UBR3: variants seen among roughly 807,000 people sequenced by gnomAD.
UBR3 encodes the protein ubiquitin protein ligase E3 component n-recognin 3.
Under a neutral mutation model 243.2 loss-of-function variants are expected in UBR3, and 85 were observed. The ratio of observed to expected loss-of-function variants is 0.35; its 90% CI spans 0.29 to 0.42. The LOEUF is 0.42. Ranked by LOEUF, UBR3 falls within the 10% of genes least tolerant of loss-of-function variation. The probability of loss-of-function intolerance (pLI) is 1.00; values close to 1 mark genes in which losing one functional copy is unlikely to be tolerated. For synonymous variants in UBR3, 748 were observed against 799.8 expected, an observed-to-expected ratio of 0.94 and a Z score of 1.09; for missense variants, 1,686 against 2,300.8, an observed-to-expected ratio of 0.73 and a Z score of 5.47.
At chr2:169,971,957 A>G (rs1180649583) in intron 24 of UBR3, among the ~76,000 whole-genome samples, 2 of 152,204 alleles carry the variant, frequency 1.3e-5, no homozygotes, top group African/African-American at 4.8e-5. Context: ...AAACCCTTCA[A>G]AAAATTAATG....
intron 20 of UBR3, 75 bp from the exon 21 acceptor site, chr2:169,946,213 A>C (rs1462028194): frequency 2.0e-5 from 17 of 860,940 alleles, no homozygotes; most frequent in Non-Finnish European, 3.0e-5. Flanking sequence ...GAACAGTAAA[A>C]TATTTTTGGA....
At chr2:169,851,316 G>A (rs2082649182) in intron 1 of UBR3, among the ~76,000 whole-genome samples, 1 of 152,002 alleles carries the variant, frequency 6.6e-6, no homozygotes, top group Admixed American at 6.6e-5. Flanking sequence ...GTATACATGG[G>A]GTTTTACCAT....
chr2:169,898,280 C>G (rs141389281), intron 8 of UBR3, among the ~76,000 whole-genome samples: 16 of 152,290 alleles, frequency 1.1e-4, no homozygotes, highest in Admixed American at 8.5e-4. Context: ...TCTGTCTGTT[C>G]TCAGGTGTGA....
At chr2:169,942,423 T>A in intron 19 of UBR3, 70 bp from the exon 20 acceptor site, 4 of 1,434,964 alleles carry the variant, frequency 2.8e-6, no homozygotes, top group Non-Finnish European at 3.7e-6. Flanking sequence ...TTGGTGTCTA[T>A]AAATTACATT....
intron 31 of UBR3, among the ~76,000 whole-genome samples, chr2:170,036,361 G>A (rs963262582): frequency 7.9e-5 from 12 of 152,012 alleles, no homozygotes; most frequent in Admixed American, 7.9e-4. Flanking sequence ...TTTCTACAGA[G>A]GGGTGCATCA....
At chr2:170,003,655 C>G (rs570282056) in intron 27 of UBR3, among the ~76,000 whole-genome samples, 74 of 151,744 alleles carry the variant, frequency 4.9e-4, no homozygotes, top group Non-Finnish European at 9.0e-4. Flanking sequence ...TTTTTTTTCC[C>G]CTCCGAGATG....
chr2:169,857,069 T>G lies in UBR3; in HGVS notation c.546-15167T>G, dbSNP rs13017983. On this transcript the variant is annotated intron_variant, in intron 1 of 38. Transcript: ENST00000272793. ...TTCCAGCATAATTTTATTATGTTTT[T>G]TTTTTTTTTTTTTTTTTTTTTTGAG... is the stretch of plus-strand genomic sequence containing the variant. 0.012 allele frequency among the ~76,000 whole-genome samples: 228 copies of G among 18,278 alleles called. 4 individuals are homozygous for G. The Middle Eastern group carries it at 0.15, about 12-fold the overall frequency. 12.0% of individuals were successfully genotyped at this position (18,278 alleles called of 152,430 possible).
chr2:169,829,541 A>G (rs2081861009), intron 1 of UBR3, among the ~76,000 whole-genome samples: 1 of 150,130 alleles, frequency 6.7e-6, no homozygotes, highest in Non-Finnish European at 1.5e-5. Context: ...CTCCTGCCTC[A>G]GCCTCCCAAG....
chr2:170,017,844 T>C (rs919294755), intron 30 of UBR3, among the ~76,000 whole-genome samples: 13 of 152,208 alleles, frequency 8.5e-5, no homozygotes, highest in African/African-American at 3.1e-4. Context: ...TTTAATAATA[T>C]AATATCCTAC....
intron 18 of UBR3, among the ~76,000 whole-genome samples, chr2:169,931,350 TA>T (rs66951181): frequency 0.58 from 50,138 of 86,458 alleles, 13,077 homozygotes; most frequent in Middle Eastern, 0.68. Context: ...GAATCTGTCT[TA>T]AAAAAAAAAA....
At chr2:169,835,056 T>G (rs1444250145) in intron 1 of UBR3, among the ~76,000 whole-genome samples, 1 of 151,542 alleles carries the variant, frequency 6.6e-6, no homozygotes, top group African/African-American at 2.4e-5. Context: ...AGGTACAGAG[T>G]TTCAGTTTGG....
intron 10 of UBR3, among the ~76,000 whole-genome samples, chr2:169,906,875 A>G (rs1212847875): frequency 6.6e-6 from 1 of 152,166 alleles, no homozygotes; most frequent in Admixed American, 6.5e-5. Flanking sequence ...GAAATGGGAC[A>G]GTAAAGCCTG....
chr2:169,963,721 T>A (rs2087683529), intron 24 of UBR3, among the ~76,000 whole-genome samples: 1 of 152,190 alleles, frequency 6.6e-6, no homozygotes, highest in Non-Finnish European at 1.5e-5. Context: ...ACCTAGGTTA[T>A]ACCCTTACAA....
At chr2:170,062,694 A>G (rs551349388) in intron 35 of UBR3, among the ~76,000 whole-genome samples, 1 of 152,298 alleles carries the variant, frequency 6.6e-6, no homozygotes, top group South Asian at 2.1e-4. Flanking sequence ...TTTAAAGGCC[A>G]TTGGCTGTGG....
intron 31 of UBR3, among the ~76,000 whole-genome samples, chr2:170,033,378 G>A (rs1289235069): frequency 6.6e-6 from 1 of 151,794 alleles, no homozygotes; most frequent in East Asian, 1.9e-4. Flanking sequence ...TTTTATACCA[G>A]TTTTTATATA....
In UBR3 at chr2:170,067,770, A is replaced by ATT. The variant is rs36071079; in HGVS notation, c.5020-5640_5020-5639dup. ...TCAAAGCAGAAATCACAAGGAAATA[A>ATT]TTTTTTTTTTTTTTTTTTTGAGACA... is the stretch of plus-strand genomic sequence containing the variant. On this transcript the variant is annotated intron_variant, in intron 35 of 38. Transcript: ENST00000272793. Among the ~76,000 whole-genome samples, 273 of 138,448 alleles carry ATT rather than the reference A, an allele frequency of 2.0e-3. 1 individual carries two copies. The highest frequency in any genetic ancestry group is 3.7e-3 in the Middle Eastern group (1 of 270). The allele number at this position is 138,448 out of a possible 152,430, so 90.8% of individuals were successfully genotyped here. A position where few individuals can be genotyped will look rare whatever the true frequency, so the allele number is the denominator to read the frequency against.
Position 169,836,033 on chromosome 2 carries a change from CTCTCTCTCTCTATATA to C in UBR3, c.545+7983_545+7998del, listed in dbSNP as rs1424809619. 2.2e-3 allele frequency among the ~76,000 whole-genome samples: 44 copies of C among 20,262 alleles called. 1 individual carries two copies. The highest frequency in any genetic ancestry group is 2.7e-3 in the Non-Finnish European group (31 of 11,450). The allele number at this position is 20,262 out of a possible 152,430, so 13.3% of individuals were successfully genotyped here. On this transcript the variant is annotated intron_variant, in intron 1 of 38. Transcript: ENST00000272793. ...TCTCTCTCTCTCTCTCTCTCTCTCT[CTCTCTCTCTCTATATA>C]TATATATATATATATATATTTTTTT...
chr2:169,871,055 T>C (rs1349605319), intron 1 of UBR3, among the ~76,000 whole-genome samples: 1 of 151,248 alleles, frequency 6.6e-6, no homozygotes, highest in East Asian at 1.9e-4. Flanking sequence ...CTTAAATAGC[T>C]TCTCTTCCCT....
intron 2 of UBR3, among the ~76,000 whole-genome samples, chr2:169,873,021 CA>C (rs1205919939): frequency 6.6e-6 from 1 of 151,920 alleles, no homozygotes; most frequent in Non-Finnish European, 1.5e-5. Context: ...TTGTCAGTTA[CA>C]GATATTCATT....
Sources: gnomAD v4.1 joint callset for allele counts (sites outside exome capture counted in the v4.1 genomes callset) on GRCh38, gnomAD v4.1.1 for gene constraint, MANE v1.5 for transcripts, NCBI Gene and HGNC (gene_info 2026-07-23, HGNC 2026-07-21) for gene names.